RASSF9: variants seen among roughly 807,000 people sequenced by gnomAD.
The protein encoded by RASSF9 is Ras association domain family member 9.
In RASSF9, 18 loss-of-function variants were observed where a neutral mutation model predicts 21.4. The observed-to-expected ratio is 0.84, with a 90% CI of 0.58 to 1.25. RASSF9 has a LOEUF of 1.25. Ranked by LOEUF, RASSF9 falls within the 50% of genes most tolerant of loss-of-function variation. The pLI is 0.00. For synonymous variants in RASSF9, 183 were observed against 179.1 expected, an observed-to-expected ratio of 1.02 and a Z score of -0.18; for missense variants, 480 against 503.2, an observed-to-expected ratio of 0.95 and a Z score of 0.44.
intron 1 of RASSF9, among the ~76,000 whole-genome samples, chr12:85,829,120 T>G (rs1880396653): frequency 6.6e-6 from 1 of 152,098 alleles, no homozygotes; most frequent in African/African-American, 2.4e-5. Context: ...TAAGGAGCAT[T>G]AAGAGTAACT....
intron 1 of RASSF9, among the ~76,000 whole-genome samples, chr12:85,820,189 T>A (rs1406918165): frequency 6.6e-6 from 1 of 152,196 alleles, no homozygotes; most frequent in African/African-American, 2.4e-5. Flanking sequence ...AACATATGAC[T>A]CAAATTTCAG....
At chr12:85,835,814 C>T (rs1203105239) in intron 1 of RASSF9, among the ~76,000 whole-genome samples, 1 of 152,054 alleles carries the variant, frequency 6.6e-6, no homozygotes, top group Non-Finnish European at 1.5e-5. Flanking sequence ...TTGTACTACC[C>T]TCAAATGCCC....
At chr12:85,812,656 A>G (rs1392148741) in intron 1 of RASSF9, among the ~76,000 whole-genome samples, 1 of 151,468 alleles carries the variant, frequency 6.6e-6, no homozygotes, top group African/African-American at 2.4e-5. Flanking sequence ...TATTTCTGCA[A>G]ATAAAAATAA....
intron 1 of RASSF9, among the ~76,000 whole-genome samples, chr12:85,808,653 T>C (rs1879886401): frequency 6.6e-6 from 1 of 152,036 alleles, no homozygotes; most frequent in Non-Finnish European, 1.5e-5. Flanking sequence ...ATCCTTACCT[T>C]AATATGTTTT....
chr12:85,808,905 G>A (rs61928956), intron 1 of RASSF9, among the ~76,000 whole-genome samples: 10,736 of 152,086 alleles, frequency 0.071, 548 homozygotes, highest in Middle Eastern at 0.18. Context: ...TTTGTTTTAT[G>A]TTATTTTTTG....
intron 1 of RASSF9, 78 bp downstream of exon 1, chr12:85,836,077 G>C: frequency 1.9e-6 from 3 of 1,545,364 alleles, no homozygotes; most frequent in Non-Finnish European, 2.6e-6. Context: ...TACTTTCACA[G>C]GTAGGGTCCA....
At position 85,802,233 on chromosome 12, in the gene RASSF9, C is replaced by A. The variant is rs1001325285; in HGVS notation, c.*2469G>T. ...ATAACATTACACTTTCTATCAAGTTCTATACTTATAATTCCAATTCTCACT... is the reference window on the plus strand; with the variant it reads ...ATAACATTACACTTTCTATCAAGTTATATACTTATAATTCCAATTCTCACT... On this transcript the variant is annotated 3_prime_UTR_variant, in exon 2 of 2. Coordinates refer to ENST00000361228, the MANE Select transcript of RASSF9 (RefSeq NM_005447.4). 3.9e-5 allele frequency: 6 copies of A among 152,290 alleles called. No individual in the cohort carries two copies. The highest frequency in any genetic ancestry group is 1.4e-4 in the African/African-American group (6 of 41,556). 9.4% of individuals were successfully genotyped at this position (152,290 alleles called of 1,614,324 possible).
intron 1 of RASSF9, among the ~76,000 whole-genome samples, chr12:85,823,193 C>A (rs1455491615): frequency 5.5e-5 from 8 of 144,340 alleles, no homozygotes; most frequent in Non-Finnish European, 9.0e-5. Flanking sequence ...GAGCAAAACT[C>A]CGTCTCAAAA....
chr12:85,813,804 T>C (rs1048577969), intron 1 of RASSF9, among the ~76,000 whole-genome samples: 9 of 151,978 alleles, frequency 5.9e-5, no homozygotes, highest in African/African-American at 2.2e-4. Context: ...CATTATAAGA[T>C]ATGCTTCTAA....
chr12:85,821,005 G>A (rs1291928981), intron 1 of RASSF9, among the ~76,000 whole-genome samples: 2 of 152,060 alleles, frequency 1.3e-5, no homozygotes, highest in Admixed American at 6.5e-5. Flanking sequence ...TTAGTCAGGC[G>A]TAGTGGCACG....
chr12:85,803,019 T>C lies in RASSF9; in HGVS notation c.*1683A>G, dbSNP rs574816428. 1.5e-4 allele frequency: 23 copies of C among 152,246 alleles called. No individual in the cohort carries two copies. The highest frequency in any genetic ancestry group is 5.3e-4 in the African/African-American group (22 of 41,566). 9.4% of individuals were successfully genotyped at this position (152,246 alleles called of 1,614,324 possible). On this transcript the variant is annotated 3_prime_UTR_variant, in exon 2 of 2. Transcript: ENST00000361228. ...ATATCTATTTTGGTACAAGAAATGA[T>C]AGTATAAATGCTCACGAAACTGAAA...
intron 1 of RASSF9, among the ~76,000 whole-genome samples, chr12:85,826,806 T>A (rs1880344393): frequency 6.6e-6 from 1 of 152,202 alleles, no homozygotes; most frequent in Admixed American, 6.5e-5. Context: ...ATAATGATTA[T>A]ATCATTTTCT....
chr12:85,826,447 ATTTT>A (rs560187497), intron 1 of RASSF9, among the ~76,000 whole-genome samples: 3 of 130,654 alleles, frequency 2.3e-5, no homozygotes, highest in African/African-American at 2.9e-5. Flanking sequence ...TCCTTCCAAT[ATTTT>A]TTTTTTTTTT....
intron 1 of RASSF9, among the ~76,000 whole-genome samples, chr12:85,815,541 A>G (rs1334544721): frequency 2.0e-5 from 3 of 152,106 alleles, no homozygotes; most frequent in Admixed American, 2.0e-4. Context: ...TGACTGAACT[A>G]ATGTACACTC....
intron 1 of RASSF9, among the ~76,000 whole-genome samples, chr12:85,819,602 T>C (rs1401875669): frequency 2.0e-5 from 3 of 152,206 alleles, no homozygotes; most frequent in Non-Finnish European, 2.9e-5. Context: ...GGTGAATGAA[T>C]AAGTACAGAC....
chr12:85,803,365 G>A lies in RASSF9; in HGVS notation c.*1337C>T, dbSNP rs925878403. The A allele has an allele frequency of 6.6e-6, 1 of 151,830 alleles. No individual in the cohort carries two copies. Among genetic ancestry groups the A allele is most frequent in the African/African-American group, 2.4e-5 (1 of 41,320 alleles). The allele number at this position is 151,830 out of a possible 1,614,324, so 9.4% of individuals were successfully genotyped here. ...GCAGTGACACACAGGAAAGATATCA[G>A]CTAAATAAAAATAAACTGCAGCAGT... On this transcript the variant is annotated 3_prime_UTR_variant, in exon 2 of 2. Transcript: ENST00000361228.
At chr12:85,820,541 A>G (rs148665973) in intron 1 of RASSF9, among the ~76,000 whole-genome samples, 73 of 152,338 alleles carry the variant, frequency 4.8e-4, no homozygotes, top group African/African-American at 1.6e-3. Context: ...TGAAACATCT[A>G]TAATGCACAA....
chr12:85,830,363 A>T (rs1275715201), intron 1 of RASSF9, among the ~76,000 whole-genome samples: 3 of 152,130 alleles, frequency 2.0e-5, no homozygotes, highest in Non-Finnish European at 4.4e-5. Flanking sequence ...TGAGAGGTCA[A>T]CCTTGCATTT....
At chr12:85,829,219 A>C (rs1880398237) in intron 1 of RASSF9, among the ~76,000 whole-genome samples, 1 of 152,146 alleles carries the variant, frequency 6.6e-6, no homozygotes. Context: ...GGCCTCTCAC[A>C]CAAAGCTTCT....
Sources: gnomAD v4.1 joint callset for allele counts (sites outside exome capture counted in the v4.1 genomes callset) on GRCh38, gnomAD v4.1.1 for gene constraint, MANE v1.5 for transcripts, NCBI Gene and HGNC (gene_info 2026-07-23, HGNC 2026-07-21) for gene names.